ATP2B2: variants seen among roughly 807,000 people sequenced by gnomAD.
The protein encoded by ATP2B2 is plasma membrane calcium-transporting ATPase 2.
In ATP2B2, 15 loss-of-function variants were observed where a neutral mutation model predicts 120.0. That is an observed-to-expected ratio of 0.12 (90% CI 0.08 to 0.19). The LOEUF (loss-of-function observed/expected upper bound fraction) is 0.19, where lower values mean the gene tolerates loss of function less well. Ranked by LOEUF, ATP2B2 falls within the 10% of genes least tolerant of loss-of-function variation. The pLI is 1.00. For synonymous variants in ATP2B2, 694 were observed against 700.3 expected, an observed-to-expected ratio of 0.99 and a Z score of 0.14; for missense variants, 1,045 against 1,719.8, an observed-to-expected ratio of 0.61 and a Z score of 6.94.
chr3:10,512,197 C>T (rs903285101), intron 3 of ATP2B2, among the ~76,000 whole-genome samples: 12 of 152,062 alleles, frequency 7.9e-5, no homozygotes, highest in African/African-American at 2.7e-4. Context: ...ATCTCTCTGT[C>T]GTCTTCCTGC....
intron 1 of ATP2B2, among the ~76,000 whole-genome samples, chr3:10,679,202 T>TG (rs2071321179): frequency 6.6e-6 from 1 of 152,158 alleles, no homozygotes; most frequent in African/African-American, 2.4e-5. Context: ...AGAGGATACT[T>TG]GCCTGCACTA....
chr3:10,466,759 C>A (rs2064760437), intron 1 of ATP2B2, among the ~76,000 whole-genome samples: 2 of 152,178 alleles, frequency 1.3e-5, no homozygotes, highest in African/African-American at 4.8e-5. Flanking sequence ...TATGAGTGTT[C>A]ATTAGATGCT....
chr3:10,489,207 C>G (rs561557497), intron 1 of ATP2B2, among the ~76,000 whole-genome samples: 24 of 152,194 alleles, frequency 1.6e-4, no homozygotes, highest in Admixed American at 1.2e-3. Flanking sequence ...TCAAAACAAC[C>G]CTCTTCATCT....
At chr3:10,576,934 G>A (rs375094077) in intron 2 of ATP2B2, among the ~76,000 whole-genome samples, 107 of 151,782 alleles carry the variant, frequency 7.0e-4, no homozygotes, top group African/African-American at 2.2e-3. Flanking sequence ...GGTGCCTGTA[G>A]TCCCAGCTAC....
intron 2 of ATP2B2, among the ~76,000 whole-genome samples, chr3:10,547,698 C>G (rs1485882370): frequency 6.6e-6 from 1 of 152,124 alleles, no homozygotes; most frequent in Admixed American, 6.5e-5. Flanking sequence ...TGCATCTGTT[C>G]CATGAAAGTT....
chr3:10,403,648 C>T (rs1409288373), intron 3 of ATP2B2, among the ~76,000 whole-genome samples: 4 of 152,300 alleles, frequency 2.6e-5, no homozygotes, highest in African/African-American at 2.4e-5. Context: ...CCAGCAGCAT[C>T]GGATCATCCT....
At chr3:10,467,452 C>A (rs1211185683) in intron 1 of ATP2B2, among the ~76,000 whole-genome samples, 1 of 152,192 alleles carries the variant, frequency 6.6e-6, no homozygotes, top group Non-Finnish European at 1.5e-5. Context: ...TGGGGCTTGA[C>A]CGCTCATGCC....
intron 1 of ATP2B2, among the ~76,000 whole-genome samples, chr3:10,699,685 T>G (rs1376703142): frequency 6.6e-6 from 1 of 152,176 alleles, no homozygotes; most frequent in Non-Finnish European, 1.5e-5. Flanking sequence ...AATGCAACAG[T>G]GTTGAAAGGT....
Position 10,491,350 on chromosome 3 carries a change from C to T in ATP2B2, c.-320+14115G>A, listed in dbSNP as rs377651726. 6.6e-5 allele frequency among the ~76,000 whole-genome samples: 10 copies of T among 152,004 alleles called. No individual in the cohort carries two copies. In the East Asian group the frequency reaches 1.2e-3, roughly 18 times the overall value. The stretch of plus-strand genomic sequence containing the variant: ...AAGCAGTTCTCCTGCCTCAGCCTCC[C>T]GAGTAGCTTGGATTACAGGTGCATA... On this transcript the variant is annotated intron_variant, in intron 1 of 22. Transcript: ENST00000360273.
In ATP2B2 at chr3:10,340,314, G is replaced by T; in HGVS notation, c.3165C>A (p.Ser1055Arg). ...VIVQFGGKPF[S>R]CSPLQLDQWM... ...ACTGGTCCAGCTGCAGTGGAGAGCA[G>T]CTGAATGGCTTCCCTCCAAACTGCA... The change falls in exon 21 of 23, where the codon AGC (serine) becomes AGA (arginine). Residue 1055 changes from serine (S) to arginine (R), a missense_variant. Coordinates refer to ENST00000360273, the MANE Select transcript of ATP2B2 (RefSeq NM_001001331.4). The surrounding 1 kb of genome is among the most constrained non-coding windows in gnomAD (Gnocchi z 5.0). 3 of 1,614,242 alleles carry T rather than the reference G, an allele frequency of 1.9e-6. No homozygotes were observed. Among genetic ancestry groups the T allele is most frequent in the Non-Finnish European group, 2.5e-6 (3 of 1,180,050 alleles).
chr3:10,568,715 C>T (rs2068061553), intron 2 of ATP2B2, among the ~76,000 whole-genome samples: 1 of 152,216 alleles, frequency 6.6e-6, no homozygotes, highest in South Asian at 2.1e-4. Flanking sequence ...TGAATAACCA[C>T]TCAGATGCTT....
At chr3:10,345,357 C>T in intron 18 of ATP2B2, 27 bp downstream of exon 18, 1 of 1,613,558 alleles carries the variant, frequency 6.2e-7, no homozygotes, top group East Asian at 2.2e-5. Context: ...CTCCCCCAGG[C>T]TTTGGTGTGG....
chr3:10,490,061 A>G (rs1171707701), intron 1 of ATP2B2, among the ~76,000 whole-genome samples: 3 of 152,002 alleles, frequency 2.0e-5, no homozygotes, highest in Admixed American at 1.3e-4. Context: ...CTAGCCTTCC[A>G]CTTGCCCTCG....
chr3:10,703,864 G>A (rs2071856303), intron 1 of ATP2B2, among the ~76,000 whole-genome samples: 1 of 152,170 alleles, frequency 6.6e-6, no homozygotes, highest in Admixed American at 6.5e-5. Flanking sequence ...CTTCCTTTAT[G>A]GAACCCCTGC....
intron 2 of ATP2B2, among the ~76,000 whole-genome samples, chr3:10,420,948 C>T (rs1020682178): frequency 6.6e-6 from 1 of 152,184 alleles, no homozygotes; most frequent in African/African-American, 2.4e-5. Context: ...AGAAGAGCTC[C>T]CCAGGGATTG....
chr3:10,644,849 C>T (rs974869587), intron 1 of ATP2B2, among the ~76,000 whole-genome samples: 8 of 152,162 alleles, frequency 5.3e-5, no homozygotes, highest in Non-Finnish European at 8.8e-5. Context: ...TGTGAAAGTA[C>T]TAATTGCCAC....
At chr3:10,493,023 G>GTTCATTCA (rs575814546) in intron 1 of ATP2B2, among the ~76,000 whole-genome samples, 79 of 152,102 alleles carry the variant, frequency 5.2e-4, no homozygotes, top group African/African-American at 1.8e-3. Context: ...CAATTCATTT[G>GTTCATTCA]TTCATTCATT....
chr3:10,690,302 G>A (rs2571210), intron 1 of ATP2B2, among the ~76,000 whole-genome samples: 143,942 of 152,322 alleles, frequency 0.94, 68,090 homozygotes, highest in East Asian at 1. Flanking sequence ...GCAGAACAGC[G>A]CCCCGTCATC....
chr3:10,640,534 G>T (rs1185926299), intron 1 of ATP2B2, among the ~76,000 whole-genome samples: 4 of 152,180 alleles, frequency 2.6e-5, no homozygotes, highest in Non-Finnish European at 4.4e-5. Context: ...CTGGAGAAGT[G>T]CAGGCATTGT....
Sources: gnomAD v4.1 joint callset for allele counts (sites outside exome capture counted in the v4.1 genomes callset) on GRCh38, gnomAD v4.1.1 for gene constraint, Gnocchi (gnomAD v3.1) non-coding constraint, MANE v1.5 for transcripts, NCBI Gene and HGNC (gene_info 2026-07-23, HGNC 2026-07-21) for gene names.